NUDT12: variants seen among roughly 807,000 people sequenced by gnomAD.
NUDT12 encodes NAD-capped RNA hydrolase NUDT12.
Under a neutral mutation model 45.7 loss-of-function variants are expected in NUDT12, and 42 were observed. The observed-to-expected ratio is 0.92, with a 90% confidence interval of 0.72 to 1.19. The LOEUF is 1.19. NUDT12 is among the 50% of genes most tolerant of loss of function. The probability of loss-of-function intolerance (pLI) is 0.00; values close to 1 mark genes in which losing one functional copy is unlikely to be tolerated. For synonymous variants in NUDT12, 206 were observed against 179.7 expected, an observed-to-expected ratio of 1.15 and a Z score of -1.17; for missense variants, 590 against 533.1, an observed-to-expected ratio of 1.11 and a Z score of -1.05.
intron 6 of NUDT12, 56 bp from the exon 7 acceptor site, chr5:103,551,027 C>T (rs1684313750): frequency 8.5e-7 from 1 of 1,178,706 alleles, no homozygotes; most frequent in Non-Finnish European, 1.3e-6. Context: ...TATTTAAATA[C>T]TATTCCCATG....
intron 2 of NUDT12, 48 bp downstream of exon 2, chr5:103,559,991 CAAAG>C (rs1430840492): frequency 1.3e-5 from 17 of 1,288,704 alleles, no homozygotes; most frequent in South Asian, 1.3e-4. Context: ...AAATATGTAA[CAAAG>C]AAATTAAACC....
chr5:103,555,410 A>G (rs1328420705), intron 4 of NUDT12, among the ~76,000 whole-genome samples: 2 of 152,066 alleles, frequency 1.3e-5, no homozygotes, highest in African/African-American at 4.8e-5. Flanking sequence ...AGCAACAAAA[A>G]TAGATGTCAC....
intron 3 of NUDT12, among the ~76,000 whole-genome samples, chr5:103,557,084 G>A (rs1271449253): frequency 1.3e-5 from 2 of 151,466 alleles, no homozygotes; most frequent in Admixed American, 1.3e-4. Flanking sequence ...ATTTTATATA[G>A]ATTATTTAAT....
intron 1 of NUDT12, among the ~76,000 whole-genome samples, chr5:103,561,009 T>C (rs1275833194): frequency 6.6e-6 from 1 of 152,060 alleles, no homozygotes; most frequent in Non-Finnish European, 1.5e-5. Flanking sequence ...CTCTTAAATA[T>C]TGCCTAATCA....
chr5:103,560,095 A>G lies in NUDT12; in HGVS notation c.154T>C (p.Tyr52His), dbSNP rs752871006. The G allele has an allele frequency of 1.2e-6, 2 of 1,613,890 alleles. No individual in the cohort carries two copies. The highest frequency in any genetic ancestry group is 1.7e-6 in the Non-Finnish European group (2 of 1,179,912). ...TSENGWTALM[Y>H]AARNGHPEIV... ...TCTGGGTGCCCATTCCTTGCCGCAT[A>G]CATTAAAGCAGTCCAGCCATTTTCA... The change falls in exon 2 of 7, where the codon TAT becomes CAT. Residue 52 changes from tyrosine to histidine, a missense_variant. Coordinates refer to ENST00000230792, the MANE Select transcript of NUDT12 (RefSeq NM_031438.4).
At chr5:103,560,485 G>C (rs753659707) in intron 1 of NUDT12, among the ~76,000 whole-genome samples, 8 of 151,908 alleles carry the variant, frequency 5.3e-5, no homozygotes, top group Non-Finnish European at 1.0e-4. Flanking sequence ...AATGAATAAA[G>C]AGCTCTGACA....
intron 4 of NUDT12, among the ~76,000 whole-genome samples, chr5:103,555,447 G>A (rs1748783890): frequency 6.6e-6 from 1 of 152,000 alleles, no homozygotes; most frequent in South Asian, 2.1e-4. Flanking sequence ...CTCCCCAGAG[G>A]CCTCCTCAGG....
intron 4 of NUDT12, 97 bp from the exon 5 acceptor site, chr5:103,554,950 T>C (rs554233894): frequency 4.2e-5 from 20 of 474,014 alleles, no homozygotes; most frequent in East Asian, 3.9e-4. Flanking sequence ...AAGGTATATC[T>C]CCTATAGGGA....
At chr5:103,557,833 T>G (rs886340983) in intron 3 of NUDT12, among the ~76,000 whole-genome samples, 1 of 151,942 alleles carries the variant, frequency 6.6e-6, no homozygotes, top group East Asian at 1.9e-4. Context: ...CTCTCAACTC[T>G]CCAAGTAATC....
rs1562621415 is a variant in NUDT12 at position 103,560,208 on chromosome 5, G to GT, written c.40dup (p.Thr14AsnfsTer9). On this transcript the variant is annotated frameshift_variant, in exon 2 of 7. Transcript: ENST00000230792. LOFTEE classifies it high-confidence loss of function. Reference sequence around the variant, plus strand: ...TTCAGCAGCTGAACAGTGAAACTGAGTAACTATTTCTTGCTTCAGACTTCT... The same window carrying GT: ...TTCAGCAGCTGAACAGTGAAACTGAGTTAACTATTTCTTGCTTCAGACTTCT... 1.9e-6 allele frequency: 3 copies of GT among 1,613,830 alleles called. No homozygotes were observed. Among genetic ancestry groups the GT allele is most frequent in the South Asian group, 2.2e-5 (2 of 91,072 alleles).
chr5:103,553,101 A>C (rs1748708316), intron 5 of NUDT12, among the ~76,000 whole-genome samples: 1 of 152,064 alleles, frequency 6.6e-6, no homozygotes, highest in Non-Finnish European at 1.5e-5. Flanking sequence ...TGCTGTATTT[A>C]GCAAAATATA....
chr5:103,562,534 C>T (rs1580700806), intron 1 of NUDT12, among the ~76,000 whole-genome samples, 169 bp downstream of exon 1: 2 of 152,134 alleles, frequency 1.3e-5, no homozygotes, highest in Middle Eastern at 3.4e-3. Flanking sequence ...GGAGCCCCTG[C>T]AAATGCGTCC....
chr5:103,555,316 C>T (rs1245361643), intron 4 of NUDT12, among the ~76,000 whole-genome samples: 1 of 152,012 alleles, frequency 6.6e-6, no homozygotes, highest in Non-Finnish European at 1.5e-5. Context: ...AATAACAGTT[C>T]ATCTCTCTAG....
chr5:103,558,808 C>A (rs1431454972), intron 3 of NUDT12, 71 bp downstream of exon 3: 3 of 1,055,788 alleles, frequency 2.8e-6, no homozygotes, highest in African/African-American at 1.6e-5. Flanking sequence ...CTGGAAAGTG[C>A]AAATACATAC....
At chr5:103,554,058 T>C (rs952226627) in intron 5 of NUDT12, among the ~76,000 whole-genome samples, 8 of 152,096 alleles carry the variant, frequency 5.3e-5, no homozygotes, top group Non-Finnish European at 8.8e-5. Flanking sequence ...CACAGCCTGA[T>C]ACTATATGTT....
intron 5 of NUDT12, among the ~76,000 whole-genome samples, chr5:103,552,808 TA>T (rs1269491894): frequency 6.6e-6 from 1 of 152,188 alleles, no homozygotes; most frequent in Non-Finnish European, 1.5e-5. Context: ...TCTTTCACAC[TA>T]AAATTCTGAA....
rs945319362 is a variant in NUDT12, at chr5:103,562,748, T to G, written c.-52A>C. On this transcript the variant is annotated 5_prime_UTR_variant, in exon 1 of 7. Transcript: ENST00000230792. ...GGCAACCAGGATGCAGTCCAAAGAT[T>G]GGGATATCCCACTCGCTTTTCCTGG... The G allele has an allele frequency of 2.9e-5, 4 of 136,448 alleles. No individual in the cohort carries two copies. Among genetic ancestry groups the G allele is most frequent in the Non-Finnish European group, 6.1e-5 (4 of 65,506 alleles). 8.5% of individuals were successfully genotyped at this position (136,448 alleles called of 1,614,324 possible). A position where few individuals can be genotyped will look rare whatever the true frequency, so the allele number is the denominator to read the frequency against.
chr5:103,555,199 A>C (rs1348626754), intron 4 of NUDT12, among the ~76,000 whole-genome samples: 3 of 152,078 alleles, frequency 2.0e-5, no homozygotes, highest in African/African-American at 7.2e-5. Context: ...GGAAAATTCA[A>C]ATTTTACCAC....
At position 103,550,016 on chromosome 5, in the gene NUDT12, A is replaced by C. The variant is rs1748602025; in HGVS notation, c.*845T>G. 1 of 152,200 alleles carries C rather than the reference A, an allele frequency of 6.6e-6. No homozygotes were observed. Among genetic ancestry groups the C allele is most frequent in the Non-Finnish European group, 1.5e-5 (1 of 68,022 alleles). The allele number at this position is 152,200 out of a possible 1,614,324, so 9.4% of individuals were successfully genotyped here. On this transcript the variant is annotated 3_prime_UTR_variant, in exon 7 of 7. Coordinates refer to ENST00000230792, the MANE Select transcript of NUDT12 (RefSeq NM_031438.4). The stretch of plus-strand genomic sequence containing the variant: ...AGCCAATGTTTTAAATTAAATATGT[A>C]AATCTGCCTGGGACTTATTTAATAT...
Sources: allele counts gnomAD v4.1 joint callset (sites outside exome capture counted in the v4.1 genomes callset), GRCh38; gene constraint gnomAD v4.1.1; transcripts MANE v1.5; gene names NCBI Gene and HGNC (gene_info 2026-07-23, HGNC 2026-07-21).